Variants in PALMD observed in about 807,000 individuals in gnomAD.
The protein encoded by PALMD is palmdelphin.
PALMD carries 42 observed loss-of-function variants against 56.2 expected under a neutral mutation model. The observed-to-expected ratio is 0.75, with a 90% CI of 0.58 to 0.97. The LOEUF (loss-of-function observed/expected upper bound fraction) is 0.97. Among genes scored for constraint, PALMD ranks in the 50% least tolerant of loss-of-function variants. PALMD has a pLI of 0.00. For synonymous variants in PALMD, 242 were observed against 222.9 expected, an observed-to-expected ratio of 1.09 and a Z score of -0.76; for missense variants, 660 against 643.8, an observed-to-expected ratio of 1.03 and a Z score of -0.27.
chr1:99,677,737 A>G (rs1395138976), intron 3 of PALMD, among the ~76,000 whole-genome samples: 1 of 152,216 alleles, frequency 6.6e-6, no homozygotes, highest in African/African-American at 2.4e-5. Context: ...AGGAAGTCGT[A>G]TAAAACTCAG....
intron 1 of PALMD, among the ~76,000 whole-genome samples, chr1:99,656,990 C>A (rs1034520209): frequency 2.6e-5 from 4 of 152,176 alleles, no homozygotes; most frequent in Non-Finnish European, 4.4e-5. Flanking sequence ...TGGCCAAATT[C>A]ACCAAGTCCT....
intron 3 of PALMD, among the ~76,000 whole-genome samples, chr1:99,671,795 C>A (rs1653094740): frequency 6.6e-6 from 1 of 152,082 alleles, no homozygotes; most frequent in Non-Finnish European, 1.5e-5. Flanking sequence ...CTCACAACTA[C>A]CCTATTAGGT....
intron 7 of PALMD, among the ~76,000 whole-genome samples, chr1:99,693,062 G>A (rs1462947754): frequency 6.6e-6 from 1 of 152,130 alleles, no homozygotes; most frequent in Non-Finnish European, 1.5e-5. Flanking sequence ...TCATATTTGT[G>A]CAAAAAGGTT....
intron 3 of PALMD, among the ~76,000 whole-genome samples, chr1:99,683,006 CA>C (rs1653382003): frequency 9.2e-6 from 1 of 109,160 alleles, no homozygotes; most frequent in South Asian, 3.1e-4. Flanking sequence ...ACTCTGTCTC[CA>C]AAAAGAAAGA....
At chr1:99,674,609 A>C (rs1036853274) in intron 3 of PALMD, among the ~76,000 whole-genome samples, 2 of 135,562 alleles carry the variant, frequency 1.5e-5, no homozygotes, top group African/African-American at 6.2e-5. Flanking sequence ...CTCCCACCCA[A>C]AAAAAAAAAA....
intron 3 of PALMD, among the ~76,000 whole-genome samples, chr1:99,678,931 G>A (rs1653278298): frequency 6.6e-6 from 1 of 150,542 alleles, no homozygotes; most frequent in Admixed American, 6.6e-5. Context: ...AGGAGTTAAA[G>A]ACAAGCCTGG....
Position 99,646,361 on chromosome 1 carries a change from C to A in PALMD, c.44C>A (p.Thr15Lys). 6.2e-7 allele frequency: 1 copy of A among 1,610,218 alleles called. No homozygotes were observed. Among genetic ancestry groups the A allele is most frequent in the Non-Finnish European group, 8.5e-7 (1 of 1,176,374 alleles). ...ELVKGRLQAI[T>K]DKRKIQEEIS... Reference sequence around the variant, plus strand: ...GTGAAGGGAAGACTCCAGGCCATCACAGTAAGTCTGCATACAGTTATAACT... The same window carrying A: ...GTGAAGGGAAGACTCCAGGCCATCAAAGTAAGTCTGCATACAGTTATAACT... The change falls in exon 1 of 8, where the codon ACA becomes AAA. Residue 15 changes from threonine (T) to lysine (K), a missense_variant and splice_region_variant. Physicochemically the swap from Thr to Lys is moderately conservative, Grantham distance 78. Coordinates refer to ENST00000263174, the MANE Select transcript of PALMD (RefSeq NM_017734.5).
chr1:99,671,671 AT>A (rs950606288), intron 3 of PALMD, among the ~76,000 whole-genome samples: 5 of 152,020 alleles, frequency 3.3e-5, no homozygotes, highest in South Asian at 2.1e-4. Context: ...ATAATCTATG[AT>A]TTTTTTTATG....
At chr1:99,683,223 T>C (rs567335810) in intron 3 of PALMD, 1 of 152,254 alleles carries the variant, frequency 6.6e-6, no homozygotes, top group East Asian at 1.9e-4. Flanking sequence ...GTTGAATTGC[T>C]CCAGATTCAG....
At position 99,655,681 on chromosome 1, in the gene PALMD, C is replaced by A. The variant is rs368377441; in HGVS notation, c.46-6638C>A. ...TCATGTCTATAAATTTTTCTACCCCCTGAAATGAAACCCATCAGAGACTGA... is the reference window on the plus strand; with the variant it reads ...TCATGTCTATAAATTTTTCTACCCCATGAAATGAAACCCATCAGAGACTGA... On this transcript the variant is annotated intron_variant, in intron 1 of 7. Coordinates refer to ENST00000263174, the MANE Select transcript of PALMD (RefSeq NM_017734.5). Among the ~76,000 whole-genome samples, 50 of 152,302 alleles carry A rather than the reference C, an allele frequency of 3.3e-4. No homozygotes were observed. The South Asian group carries it at 7.0e-3, about 21-fold the overall frequency.
At chr1:99,649,496 G>A (rs1222334570) in intron 1 of PALMD, among the ~76,000 whole-genome samples, 1 of 152,172 alleles carries the variant, frequency 6.6e-6, no homozygotes, top group Non-Finnish European at 1.5e-5. Flanking sequence ...AGAAGCGTGA[G>A]ATGAAGGACT....
chr1:99,691,638 T>A (rs1217936361), intron 7 of PALMD, among the ~76,000 whole-genome samples: 1 of 152,166 alleles, frequency 6.6e-6, no homozygotes, highest in East Asian at 1.9e-4. Context: ...TCATATGCCC[T>A]CACATGCCAT....
chr1:99,682,976 A>T (rs749441662), intron 3 of PALMD, among the ~76,000 whole-genome samples: 2 of 149,990 alleles, frequency 1.3e-5, no homozygotes, highest in Admixed American at 1.3e-4. Flanking sequence ...ACTACACTTC[A>T]GCCTGGGTGA....
At chr1:99,683,078 GAGAGAGAGAGAGAA>G (rs1413707457) in intron 3 of PALMD, among the ~76,000 whole-genome samples, 1 of 19,588 alleles carries the variant, frequency 5.1e-5, no homozygotes, top group Admixed American at 5.5e-4. Context: ...GAGAGAGAGA[GAGAGAGAGAGAGAA>G]AGAAAGAAAG....
intron 3 of PALMD, among the ~76,000 whole-genome samples, chr1:99,678,856 T>G (rs1400556531): frequency 6.6e-6 from 1 of 151,938 alleles, no homozygotes; most frequent in Non-Finnish European, 1.5e-5. Flanking sequence ...CTGGACATGG[T>G]GGCTCACACC....
chr1:99,675,300 A>G (rs1361086420), intron 3 of PALMD, among the ~76,000 whole-genome samples: 1 of 152,260 alleles, frequency 6.6e-6, no homozygotes. Flanking sequence ...GGAAAGAGTC[A>G]CTATCTACAT....
At chr1:99,691,050 T>C (rs954352490) in intron 7 of PALMD, among the ~76,000 whole-genome samples, 1 of 152,184 alleles carries the variant, frequency 6.6e-6, no homozygotes, top group Non-Finnish European at 1.5e-5. Context: ...TTCTAAGCTT[T>C]TGGAAAGTAT....
intron 1 of PALMD, among the ~76,000 whole-genome samples, chr1:99,660,188 TGCC>T (rs1203979198): frequency 6.6e-6 from 1 of 152,216 alleles, no homozygotes; most frequent in Non-Finnish European, 1.5e-5. Flanking sequence ...GTCCTAGTGC[TGCC>T]TCCTGGCCAC....
At chr1:99,661,261 T>C (rs1175279418) in intron 1 of PALMD, among the ~76,000 whole-genome samples, 1 of 152,142 alleles carries the variant, frequency 6.6e-6, no homozygotes, top group Non-Finnish European at 1.5e-5. Context: ...TCACCTCTGA[T>C]CAAAAATGAG....
Sources: allele counts gnomAD v4.1 joint callset (sites outside exome capture counted in the v4.1 genomes callset), GRCh38; gene constraint gnomAD v4.1.1; transcripts MANE v1.5; gene names NCBI Gene and HGNC (gene_info 2026-07-23, HGNC 2026-07-21).